PDE8A: variants seen among roughly 807,000 people sequenced by gnomAD.
PDE8A encodes phosphodiesterase 8A.
In PDE8A, 59 loss-of-function variants were observed where a neutral mutation model predicts 105.0. The ratio of observed to expected loss-of-function variants is 0.56; its 90% CI spans 0.46 to 0.70. The LOEUF is 0.70. Among genes scored for constraint, PDE8A ranks in the 30% least tolerant of loss-of-function variants. The probability of loss-of-function intolerance (pLI) is 0.00; values close to 1 mark genes in which losing one functional copy is unlikely to be tolerated. For synonymous variants in PDE8A, 355 were observed against 371.9 expected (o/e 0.95, Z 0.52); for missense variants, 1,014 against 1,045.9 (o/e 0.97, Z 0.42).
intron 21 of PDE8A, 139 bp from the exon 22 acceptor site, chr15:85,137,658 C>T (rs2082433769): frequency 3.3e-6 from 2 of 609,390 alleles, no homozygotes; most frequent in African/African-American, 1.8e-5. Flanking sequence ...GTTGAAGCTG[C>T]TGGGTGTGTT....
chr15:85,015,629 C>G (rs1027439246), intron 1 of PDE8A, among the ~76,000 whole-genome samples: 6 of 152,140 alleles, frequency 3.9e-5, no homozygotes, highest in Non-Finnish European at 8.8e-5. Flanking sequence ...TGATATCTCA[C>G]TATGGTTTTT....
chr15:85,095,518 A>G (rs906367912), intron 8 of PDE8A, among the ~76,000 whole-genome samples: 1 of 151,504 alleles, frequency 6.6e-6, no homozygotes, highest in Admixed American at 6.6e-5. Flanking sequence ...TAATTTTTGT[A>G]CTTTTAGCAG....
intron 12 of PDE8A, among the ~76,000 whole-genome samples, chr15:85,111,308 A>C (rs962276944): frequency 3.3e-5 from 5 of 152,152 alleles, no homozygotes; most frequent in African/African-American, 1.2e-4. Context: ...CAAGATCGTG[A>C]AAATATTCTC....
intron 1 of PDE8A, among the ~76,000 whole-genome samples, chr15:85,031,101 T>C (rs1204658426): frequency 1.3e-5 from 2 of 152,196 alleles, no homozygotes; most frequent in Non-Finnish European, 2.9e-5. Flanking sequence ...TTCATATCCT[T>C]CTTGTAAGAA....
At chr15:85,025,999 A>G (rs1295164326) in intron 1 of PDE8A, among the ~76,000 whole-genome samples, 2 of 152,234 alleles carry the variant, frequency 1.3e-5, no homozygotes, top group East Asian at 1.9e-4. Context: ...GAATATGCAC[A>G]GATTCAATAG....
In PDE8A at chr15:85,100,065, AG is replaced by A; in HGVS notation, c.993+1del. On this transcript the variant is annotated frameshift_variant and splice_region_variant, in exon 10 of 22. Transcript: ENST00000394553. LOFTEE classifies it high-confidence loss of function. ...SIIRVCNGNN[K>X]AEKISECVQS... Reference sequence around the variant, plus strand: ...ATCAGAGTGTGCAATGGCAACAATAAGGTACGTAAGGAGAGCCCCCCGGGGC... The same window carrying A: ...ATCAGAGTGTGCAATGGCAACAATAAGTACGTAAGGAGAGCCCCCCGGGGC... 1 of 1,613,664 alleles carries A rather than the reference AG, an allele frequency of 6.2e-7. No homozygotes were observed. Among genetic ancestry groups the A allele is most frequent in the Non-Finnish European group, 8.5e-7 (1 of 1,179,690 alleles).
At position 85,115,994 on chromosome 15, in the gene PDE8A, G is replaced by A; in HGVS notation, c.1410G>A (p.Met470Ile). The A allele has an allele frequency of 5.0e-6, 8 of 1,613,164 alleles. No homozygotes were observed. The highest frequency in any genetic ancestry group is 1.7e-4 in the Middle Eastern group (1 of 6,060). ...EYVLSTKNTQ[M>I]VSSNIITPIS... ...TACATCACTTTACAGACACTCAAAT[G>A]GTTTCAAGCAATATAATCACTCCCA... Residue 470 changes from methionine (M) to isoleucine (I), a missense_variant, in exon 16 of 22, where the codon ATG (methionine) becomes ATA (isoleucine). By Grantham distance (10) the Met-to-Ile change is conservative. Coordinates refer to ENST00000394553, the MANE Select transcript of PDE8A (RefSeq NM_002605.3).
At chr15:85,027,562 A>G (rs1410199770) in intron 1 of PDE8A, among the ~76,000 whole-genome samples, 1 of 152,152 alleles carries the variant, frequency 6.6e-6, no homozygotes, top group Admixed American at 6.5e-5. Flanking sequence ...AGTTATTCCT[A>G]CCCTTTCAAG....
At position 85,109,579 on chromosome 15, in the gene PDE8A, A is replaced by C. The variant is rs2081992766; in HGVS notation, c.1114+449A>C. Among the ~76,000 whole-genome samples, 3 of 152,224 alleles carry C rather than the reference A, an allele frequency of 2.0e-5. No individual in the cohort carries two copies. In the South Asian group the frequency reaches 6.2e-4, roughly 32 times the overall value. ...TAATTGAAATATACTTTTTAAAAAG[A>C]ATATGTAAGTGCATGGTCTGAATGA... On this transcript the variant is annotated intron_variant, in intron 12 of 21. Coordinates refer to ENST00000394553, the MANE Select transcript of PDE8A (RefSeq NM_002605.3).
intron 1 of PDE8A, among the ~76,000 whole-genome samples, chr15:84,991,911 GC>G (rs769016625): frequency 6.6e-6 from 1 of 152,144 alleles, no homozygotes; most frequent in Non-Finnish European, 1.5e-5. Context: ...ACTTTGGGAG[GC>G]CGAGGCAGGA....
rs1180251018 is a variant in PDE8A at position 85,136,603 on chromosome 15, C to T, written c.2323C>T (p.Pro775Ser). Residue 775 changes from proline (P) to serine (S), a missense_variant, in exon 21 of 22, where the codon CCC becomes TCC. Transcript: ENST00000394553. The stretch of plus-strand genomic sequence containing the variant: ...GTTTGACAGAAATACCTGCAGCATC[C>T]CCAAATCCCAAATCTCTTTCATTGA... The part of the protein sequence containing the change: ...PVFDRNTCSI[P>S]KSQISFIDYF... 6.2e-7 allele frequency: 1 copy of T among 1,613,550 alleles called. No individual in the cohort carries two copies. The highest frequency in any genetic ancestry group is 8.5e-7 in the Non-Finnish European group (1 of 1,179,588).
rs1283848983 is a variant in PDE8A, at chr15:85,004,484, A to C, written c.186+22136A>C. On this transcript the variant is annotated intron_variant, in intron 1 of 21. Transcript: ENST00000394553. ...AACTCCTGGGTGAGAATAGGCTTAG[A>C]GAATTGCAAACCCGTATTGTGAAGT... 2.0e-5 allele frequency among the ~76,000 whole-genome samples: 3 copies of C among 152,226 alleles called. 1 individual carries two copies. The highest frequency in any genetic ancestry group is 7.2e-5 in the African/African-American group (3 of 41,454).
chr15:85,113,476 G>A, intron 13 of PDE8A, 29 bp downstream of exon 13: 1 of 1,559,008 alleles, frequency 6.4e-7, no homozygotes, highest in South Asian at 1.1e-5. Flanking sequence ...TGTCTCCATT[G>A]AGCACACATA....
intron 12 of PDE8A, among the ~76,000 whole-genome samples, chr15:85,112,884 A>G (rs2082039964): frequency 6.6e-6 from 1 of 152,206 alleles, no homozygotes; most frequent in Admixed American, 6.5e-5. Flanking sequence ...ATCAGTCCAG[A>G]TTAAACATAA....
chr15:85,055,620 C>A (rs912876000), intron 1 of PDE8A, among the ~76,000 whole-genome samples: 2 of 152,170 alleles, frequency 1.3e-5, no homozygotes, highest in African/African-American at 4.8e-5. Context: ...TTATCAGAGA[C>A]TAGGATTGCA....
rs1432757706 is a variant in PDE8A, at chr15:85,075,928, C to T, written c.491+10C>T. On this transcript the variant is annotated intron_variant, in intron 4 of 21. Coordinates refer to ENST00000394553, the MANE Select transcript of PDE8A (RefSeq NM_002605.3). ...TTGGTGTAGTACGCAGGTAAACTTT[C>T]ATTTTTTTAATGTTGAAATTGAGGT... 2 of 1,502,230 alleles carry T rather than the reference C, an allele frequency of 1.3e-6. No individual in the cohort carries two copies. The highest frequency in any genetic ancestry group is 1.7e-5 in the Admixed American group (1 of 57,300). 93.1% of individuals were successfully genotyped at this position (1,502,230 alleles called of 1,614,324 possible).
intron 6 of PDE8A, among the ~76,000 whole-genome samples, chr15:85,084,290 G>C (rs111279771): frequency 1.3e-5 from 2 of 152,082 alleles, no homozygotes; most frequent in African/African-American, 4.8e-5. Flanking sequence ...AAAGGGGATC[G>C]GAATGAGAGT....
At chr15:85,015,542 G>A (rs1394316739) in intron 1 of PDE8A, among the ~76,000 whole-genome samples, 2 of 152,072 alleles carry the variant, frequency 1.3e-5, no homozygotes, top group South Asian at 2.1e-4. Context: ...CTCTATAAGG[G>A]TTGTACCATT....
intron 20 of PDE8A, among the ~76,000 whole-genome samples, chr15:85,135,562 T>G (rs1217028834): frequency 1.3e-5 from 2 of 152,034 alleles, no homozygotes; most frequent in Admixed American, 6.5e-5. Context: ...CCCCACTGTT[T>G]GACTTGACTC....
Sources: allele counts gnomAD v4.1 joint callset (sites outside exome capture counted in the v4.1 genomes callset), GRCh38; gene constraint gnomAD v4.1.1; transcripts MANE v1.5; gene names NCBI Gene and HGNC (gene_info 2026-07-23, HGNC 2026-07-21).